Variants in RIMS1 observed in about 807,000 individuals in gnomAD.
RIMS1 encodes regulating synaptic membrane exocytosis 1.
RIMS1 carries 83 observed loss-of-function variants against 214.1 expected under a neutral mutation model. That is an observed-to-expected ratio of 0.39 (90% CI 0.32 to 0.47). RIMS1 has a LOEUF of 0.47. Ranked by LOEUF, RIMS1 falls within the 20% of genes least tolerant of loss-of-function variation. RIMS1 has a pLI of 0.99. For missense variants in RIMS1, 2,050 were observed against 2,161.8 expected (o/e 0.95, Z 1.03); for synonymous variants, 793 against 786.8 (o/e 1.01, Z -0.13).
At chr6:71,945,047 T>G (rs1284855017) in intron 1 of RIMS1, among the ~76,000 whole-genome samples, 1 of 152,152 alleles carries the variant, frequency 6.6e-6, no homozygotes, top group Non-Finnish European at 1.5e-5. Context: ...ATCTAAATTA[T>G]CTCCTGTACT....
chr6:72,143,620 A>G (rs1232266985), intron 4 of RIMS1, among the ~76,000 whole-genome samples: 1 of 152,204 alleles, frequency 6.6e-6, no homozygotes, highest in African/African-American at 2.4e-5. Context: ...GGAAGGTTCT[A>G]CGTTGAAACC....
intron 4 of RIMS1, among the ~76,000 whole-genome samples, chr6:72,168,421 G>GT (rs2046564135): frequency 6.6e-6 from 1 of 152,162 alleles, no homozygotes; most frequent in African/African-American, 2.4e-5. Context: ...TTGGACTGGG[G>GT]TTTTATATGT....
chr6:72,144,070 C>T (rs1052692562), intron 4 of RIMS1, among the ~76,000 whole-genome samples: 22 of 152,200 alleles, frequency 1.4e-4, no homozygotes, highest in African/African-American at 4.1e-4. Context: ...ACTATAGCAG[C>T]GAACGCAGGC....
intron 6 of RIMS1, among the ~76,000 whole-genome samples, chr6:72,215,028 A>G (rs1350978838): frequency 1.3e-5 from 2 of 152,108 alleles, no homozygotes; most frequent in African/African-American, 2.4e-5. Flanking sequence ...AGCCTGATTC[A>G]TGCATTCTTA....
intron 6 of RIMS1, among the ~76,000 whole-genome samples, chr6:72,202,493 A>G (rs1458126768): frequency 1.3e-5 from 2 of 151,546 alleles, no homozygotes; most frequent in Non-Finnish European, 3.0e-5. Context: ...TAATGGCCTC[A>G]TTTTGGTTTA....
At chr6:71,919,843 G>A (rs1287133386) in intron 1 of RIMS1, among the ~76,000 whole-genome samples, 1 of 152,130 alleles carries the variant, frequency 6.6e-6, no homozygotes, top group Admixed American at 6.6e-5. Context: ...GGTTAAGAAC[G>A]AGAACTCAAA....
rs1440400252 is a variant in RIMS1, at chr6:71,886,770, G to A, written c.-254G>A. The A allele has an allele frequency of 6.1e-6, 2 of 327,360 alleles. No individual in the cohort carries two copies. Among genetic ancestry groups the A allele is most frequent in the Admixed American group, 5.0e-5 (1 of 20,162 alleles). 20.3% of individuals were successfully genotyped at this position (327,360 alleles called of 1,614,324 possible). A position where few individuals can be genotyped will look rare whatever the true frequency, so the allele number is the denominator to read the frequency against. The stretch of plus-strand genomic sequence containing the variant: ...GCTGGGCTGCGGGAGGCGGCCGGGC[G>A]GCCCCGAGCTTCGCTAGGGCGACCA... On this transcript the variant is annotated 5_prime_UTR_variant, in exon 1 of 34. Coordinates refer to ENST00000521978, the MANE Select transcript of RIMS1 (RefSeq NM_014989.7).
intron 2 of RIMS1, among the ~76,000 whole-genome samples, chr6:71,971,554 G>C (rs770322868): frequency 6.6e-6 from 1 of 152,164 alleles, no homozygotes; most frequent in African/African-American, 2.4e-5. Context: ...TCTAGGCATA[G>C]ATGGTGTATT....
chr6:72,196,580 C>CTTTTT lies in RIMS1; in HGVS notation c.1678+13450_1678+13454dup, dbSNP rs61651151. On this transcript the variant is annotated intron_variant, in intron 6 of 33. Coordinates refer to ENST00000521978, the MANE Select transcript of RIMS1 (RefSeq NM_014989.7). Reference sequence around the variant, plus strand: ...AGTACTGTGCTGGCAGCCAGCTGCACTTTTTTTTTTTTTTTTTTTTTTTAC... The same window carrying CTTTTT: ...AGTACTGTGCTGGCAGCCAGCTGCACTTTTTTTTTTTTTTTTTTTTTTTTTTTTAC... Among the ~76,000 whole-genome samples the CTTTTT allele has an allele frequency of 8.4e-4, 48 of 57,204 alleles. 9 individuals are homozygous for CTTTTT. Among genetic ancestry groups the CTTTTT allele is most frequent in the Admixed American group, 2.2e-3 (10 of 4,518 alleles). The allele number at this position is 57,204 out of a possible 152,430, so 37.5% of individuals were successfully genotyped here. A position where few individuals can be genotyped will look rare whatever the true frequency, so the allele number is the denominator to read the frequency against.
chr6:72,059,318 T>A (rs1312232728), intron 2 of RIMS1, among the ~76,000 whole-genome samples: 1 of 152,152 alleles, frequency 6.6e-6, no homozygotes, highest in African/African-American at 2.4e-5. Context: ...CCTTGACCTC[T>A]TGGGCTCAAG....
intron 1 of RIMS1, among the ~76,000 whole-genome samples, chr6:71,953,335 A>G (rs1790219761): frequency 6.6e-6 from 1 of 152,094 alleles, no homozygotes; most frequent in African/African-American, 2.4e-5. Flanking sequence ...CTAACATCCC[A>G]TTGTCCAAGG....
intron 4 of RIMS1, among the ~76,000 whole-genome samples, chr6:72,164,668 C>A (rs1311185546): frequency 6.6e-6 from 1 of 152,156 alleles, no homozygotes; most frequent in African/African-American, 2.4e-5. Context: ...TTAGACAGTT[C>A]CAGCTGCTAT....
intron 31 of RIMS1, among the ~76,000 whole-genome samples, chr6:72,394,662 A>T (rs914185411): frequency 6.6e-6 from 1 of 152,056 alleles, no homozygotes; most frequent in Non-Finnish European, 1.5e-5. Flanking sequence ...TTATGCATAA[A>T]CATAACAGGT....
chr6:71,950,981 G>A (rs1789307245), intron 1 of RIMS1, among the ~76,000 whole-genome samples: 2 of 152,186 alleles, frequency 1.3e-5, no homozygotes, highest in Non-Finnish European at 2.9e-5. Context: ...CATTTTAGAT[G>A]AGAAGACATA....
chr6:72,239,315 C>G (rs2065676011), intron 9 of RIMS1, among the ~76,000 whole-genome samples: 1 of 152,096 alleles, frequency 6.6e-6, no homozygotes, highest in South Asian at 2.1e-4. Context: ...GTTAGTGATT[C>G]ATTTCATTTA....
At chr6:72,332,474 G>A (rs1260933185) in intron 28 of RIMS1, among the ~76,000 whole-genome samples, 2 of 135,000 alleles carry the variant, frequency 1.5e-5, no homozygotes, top group African/African-American at 5.5e-5. Context: ...TCATAGATGG[G>A]AATTGAACAA....
At chr6:72,065,925 G>GAA (rs11396474) in intron 2 of RIMS1, among the ~76,000 whole-genome samples, 21 of 112,856 alleles carry the variant, frequency 1.9e-4, no homozygotes, top group Non-Finnish European at 2.1e-4. Flanking sequence ...ATGAGAAGCC[G>GAA]AAAAAAAAAA....
At chr6:71,947,969 A>G (rs949067674) in intron 1 of RIMS1, among the ~76,000 whole-genome samples, 1 of 152,140 alleles carries the variant, frequency 6.6e-6, no homozygotes, top group African/African-American at 2.4e-5. Flanking sequence ...TTTAACAAGT[A>G]CCTAGCACAC....
chr6:72,299,817 C>A (rs2094450121), intron 26 of RIMS1, among the ~76,000 whole-genome samples: 1 of 151,582 alleles, frequency 6.6e-6, no homozygotes, highest in South Asian at 2.1e-4. Context: ...AATAAGTAAA[C>A]CAATTTTTGT....
Sources: gnomAD v4.1 joint callset for allele counts (sites outside exome capture counted in the v4.1 genomes callset) on GRCh38, gnomAD v4.1.1 for gene constraint, MANE v1.5 for transcripts, NCBI Gene and HGNC (gene_info 2026-07-23, HGNC 2026-07-21) for gene names.